Variants in RBFOX1 observed in about 807,000 individuals in gnomAD.
The protein encoded by RBFOX1 is RNA binding protein fox-1 homolog 1.
A neutral mutation model predicts 57.7 loss-of-function variants in RBFOX1; 8 were observed. The ratio of observed to expected loss-of-function variants is 0.14; its 90% CI spans 0.08 to 0.25. The LOEUF (loss-of-function observed/expected upper bound fraction) is 0.25. Ranked by LOEUF, RBFOX1 falls within the 10% of genes least tolerant of loss-of-function variation. The probability of loss-of-function intolerance (pLI) is 1.00; values close to 1 mark genes in which losing one functional copy is unlikely to be tolerated. For synonymous variants in RBFOX1, 326 were observed against 222.4 expected (o/e 1.47, Z -4.15); for missense variants, 611 against 548.5 (o/e 1.11, Z -1.14).
chr16:5,661,372 G>A (rs994703055), intron 3 of RBFOX1, among the ~76,000 whole-genome samples: 3 of 152,112 alleles, frequency 2.0e-5, no homozygotes, highest in African/African-American at 4.8e-5. Flanking sequence ...CATGTGTGTG[G>A]TGTGTATATA....
At chr16:7,668,170 C>T (rs1459873435) in intron 13 of RBFOX1, among the ~76,000 whole-genome samples, 1 of 152,164 alleles carries the variant, frequency 6.6e-6, no homozygotes. Context: ...GCTCTCTCCC[C>T]TCCCCCGTCC....
chr16:6,750,569 G>A (rs1360711613), intron 3 of RBFOX1, among the ~76,000 whole-genome samples: 1 of 152,190 alleles, frequency 6.6e-6, no homozygotes, highest in African/African-American at 2.4e-5. Flanking sequence ...CCGAACTATG[G>A]TATCTAAAGG....
At chr16:7,148,223 A>G (rs1332137898) in intron 4 of RBFOX1, among the ~76,000 whole-genome samples, 1 of 152,228 alleles carries the variant, frequency 6.6e-6, no homozygotes, top group Admixed American at 6.5e-5. Flanking sequence ...TAAGATGAAA[A>G]CAAAACTTTA....
At chr16:7,266,504 G>A (rs747412768) in intron 4 of RBFOX1, among the ~76,000 whole-genome samples, 2 of 152,142 alleles carry the variant, frequency 1.3e-5, no homozygotes, top group African/African-American at 4.8e-5. Flanking sequence ...TCAGTCTCTG[G>A]TATTTCTTTA....
At chr16:7,603,703 G>A (rs2095156622) in intron 9 of RBFOX1, among the ~76,000 whole-genome samples, 1 of 152,168 alleles carries the variant, frequency 6.6e-6, no homozygotes. Flanking sequence ...AATGGCCAGT[G>A]TCACTGTAGC....
At chr16:6,970,448 G>A (rs1387586189) in intron 3 of RBFOX1, among the ~76,000 whole-genome samples, 3 of 152,132 alleles carry the variant, frequency 2.0e-5, no homozygotes, top group Non-Finnish European at 2.9e-5. Flanking sequence ...CTTAGCCTGG[G>A]TAATGTATCA....
At chr16:5,679,086 C>T (rs1202284238) in intron 3 of RBFOX1, among the ~76,000 whole-genome samples, 1 of 152,164 alleles carries the variant, frequency 6.6e-6, no homozygotes, top group African/African-American at 2.4e-5. Flanking sequence ...TTCATTACTC[C>T]ATTTATGCCT....
intron 4 of RBFOX1, among the ~76,000 whole-genome samples, chr16:7,263,911 T>C (rs1351772016): frequency 8.3e-6 from 1 of 120,442 alleles, no homozygotes; most frequent in East Asian, 2.3e-4. Context: ...AAAATATATA[T>C]ATATAAATTA....
At chr16:5,515,993 G>A (rs1202201565) in intron 2 of RBFOX1, among the ~76,000 whole-genome samples, 1 of 152,172 alleles carries the variant, frequency 6.6e-6, no homozygotes, top group African/African-American at 2.4e-5. Flanking sequence ...GAGCGTATTT[G>A]AGCCCAGGAG....
Position 6,112,596 on chromosome 16 carries a change from C to A in RBFOX1, c.-127+92604C>A, listed in dbSNP as rs527667180. Among the ~76,000 whole-genome samples, 4 of 152,262 alleles carry A rather than the reference C, an allele frequency of 2.6e-5. No individual in the cohort carries two copies. The South Asian group carries it at 8.3e-4, about 32-fold the overall frequency. Reference sequence around the variant, plus strand: ...ATCCCAGCTACCTGAGAGGCTGAGGCAGGATAATCGTTTGAACCCAGGAGC... The same window carrying A: ...ATCCCAGCTACCTGAGAGGCTGAGGAAGGATAATCGTTTGAACCCAGGAGC... On this transcript the variant is annotated intron_variant, in intron 1 of 15. Coordinates refer to ENST00000550418, the MANE Select transcript of RBFOX1 (RefSeq NM_018723.4).
chr16:6,118,328 C>T (rs1020626567), intron 1 of RBFOX1, among the ~76,000 whole-genome samples: 2 of 152,082 alleles, frequency 1.3e-5, no homozygotes, highest in African/African-American at 2.4e-5. Flanking sequence ...TTACAAAATA[C>T]CTTACATTGG....
intron 1 of RBFOX1, among the ~76,000 whole-genome samples, chr16:5,302,070 G>A (rs1000359374): frequency 1.3e-5 from 2 of 151,596 alleles, no homozygotes; most frequent in Non-Finnish European, 2.9e-5. Context: ...TTTAATATAG[G>A]CATTTAATGT....
intron 1 of RBFOX1, among the ~76,000 whole-genome samples, chr16:5,262,101 A>T (rs2062749797): frequency 6.6e-6 from 1 of 152,204 alleles, no homozygotes; most frequent in Non-Finnish European, 1.5e-5. Flanking sequence ...GGGAGCAACT[A>T]ATTCTATTAA....
At chr16:5,483,099 G>T (rs4530139) in intron 2 of RBFOX1, among the ~76,000 whole-genome samples, 2 of 151,872 alleles carry the variant, frequency 1.3e-5, no homozygotes, top group Non-Finnish European at 2.9e-5. Flanking sequence ...CCTGAGTAGG[G>T]GAGTCCTAAA....
intron 3 of RBFOX1, among the ~76,000 whole-genome samples, chr16:6,879,489 C>G (rs973420516): frequency 6.6e-6 from 1 of 152,076 alleles, no homozygotes; most frequent in Non-Finnish European, 1.5e-5. Context: ...CCCATCATGA[C>G]CTTAATTGCA....
intron 2 of RBFOX1, among the ~76,000 whole-genome samples, chr16:5,496,262 G>A (rs555464843): frequency 1.3e-5 from 2 of 152,288 alleles, no homozygotes; most frequent in South Asian, 4.1e-4. Flanking sequence ...TCTCTGTACT[G>A]TCACTATTTT....
chr16:6,365,888 A>G (rs1431883083), intron 2 of RBFOX1, among the ~76,000 whole-genome samples: 1 of 152,214 alleles, frequency 6.6e-6, no homozygotes, highest in Non-Finnish European at 1.5e-5. Flanking sequence ...CCTAGAATAG[A>G]GAGAGCATTT....
intron 1 of RBFOX1, among the ~76,000 whole-genome samples, chr16:6,049,664 A>G (rs139901422): frequency 2.4e-4 from 37 of 152,248 alleles, no homozygotes; most frequent in African/African-American, 8.9e-4. Context: ...CAATTTTTTC[A>G]AAAATGTCAT....
intron 1 of RBFOX1, among the ~76,000 whole-genome samples, chr16:5,323,477 G>A (rs2064471246): frequency 6.6e-6 from 1 of 152,202 alleles, no homozygotes; most frequent in Non-Finnish European, 1.5e-5. Context: ...TCTGGCATCT[G>A]AAACATCTGG....
Sources: gnomAD v4.1 joint callset for allele counts (sites outside exome capture counted in the v4.1 genomes callset) on GRCh38, gnomAD v4.1.1 for gene constraint, MANE v1.5 for transcripts, NCBI Gene and HGNC (gene_info 2026-07-23, HGNC 2026-07-21) for gene names.